ENPP2: variants seen among roughly 807,000 people sequenced by gnomAD.
The protein encoded by ENPP2 is autotaxin.
In ENPP2, 51 loss-of-function variants were observed where a neutral mutation model predicts 120.2. That is an observed-to-expected ratio of 0.42 (90% CI 0.34 to 0.54). ENPP2 has a LOEUF of 0.54. Among genes scored for constraint, ENPP2 ranks in the 20% least tolerant of loss-of-function variants. ENPP2 has a pLI of 0.04. For synonymous variants in ENPP2, 365 were observed against 366.4 expected (o/e 1.00, Z 0.04); for missense variants, 920 against 1,066.5 (o/e 0.86, Z 1.91).
intron 1 of ENPP2, among the ~76,000 whole-genome samples, chr8:119,652,237 C>A (rs1258978513): frequency 2.6e-5 from 4 of 151,982 alleles, no homozygotes; most frequent in Non-Finnish European, 4.4e-5. Flanking sequence ...AGAACATTGA[C>A]CCATTCATGA....
intron 7 of ENPP2, 29 bp from the exon 8 acceptor site, chr8:119,616,413 A>T: frequency 3.3e-6 from 5 of 1,517,066 alleles, no homozygotes; most frequent in Non-Finnish European, 4.5e-6. Flanking sequence ...TTATTGTTAA[A>T]ATAACAATAC....
At position 119,634,926 on chromosome 8, in the gene ENPP2, C is replaced by A. The variant is rs192493669; in HGVS notation, c.136+3499G>T. ...CAAAGAACTGAAAAATCTGTACCCT[C>A]CTTAGCTTCCAGTTCAGATAATTTC... On this transcript the variant is annotated intron_variant, in intron 2 of 24. Transcript: ENST00000075322. Among the ~76,000 whole-genome samples the A allele has an allele frequency of 1.5e-3, 234 of 152,238 alleles. 1 individual carries two copies. The highest frequency in any genetic ancestry group is 5.4e-3 in the African/African-American group (226 of 41,564).
At position 119,564,830 on chromosome 8, in the gene ENPP2, T is replaced by C. The variant is rs1244517953; in HGVS notation, c.2257A>G (p.Ile753Val). Residue 753 changes from isoleucine to valine, a missense_variant, in exon 23 of 25, where the codon ATA becomes GTA. By Grantham distance (29) the Ile-to-Val change is conservative (BLOSUM62 3). Transcript: ENST00000075322. The part of the protein sequence containing the change: ...YDGLHDTEDK[I>V]KQYVEGSSIP... ...TAGAAATGAAACGCTTACTGTTTTA[T>C]TTTGTCTTCTGTGTCATGTAAGCCA... 1.2e-6 allele frequency: 2 copies of C among 1,613,104 alleles called. No homozygotes were observed. Among genetic ancestry groups the C allele is most frequent in the Non-Finnish European group, 1.7e-6 (2 of 1,179,598 alleles).
At chr8:119,623,485 G>A (rs1467740376) in intron 3 of ENPP2, among the ~76,000 whole-genome samples, 2 of 151,972 alleles carry the variant, frequency 1.3e-5, no homozygotes, top group African/African-American at 4.8e-5. Flanking sequence ...AAAAGAGAGA[G>A]AGATATTAGT....
At chr8:119,621,120 A>T (rs1384044554) in intron 4 of ENPP2, among the ~76,000 whole-genome samples, 3 of 152,232 alleles carry the variant, frequency 2.0e-5, no homozygotes, top group African/African-American at 4.8e-5. Flanking sequence ...GCTTCTAGAA[A>T]ACTTGACCTA....
chr8:119,564,706 A>C, intron 23 of ENPP2, 117 bp downstream of exon 23: 1 of 558,018 alleles, frequency 1.8e-6, no homozygotes. Flanking sequence ...ATATATTGAA[A>C]AATTCAAAAA....
chr8:119,602,730 T>C (rs1814404549), intron 9 of ENPP2, among the ~76,000 whole-genome samples: 6 of 152,114 alleles, frequency 3.9e-5, no homozygotes, highest in Admixed American at 1.3e-4. Context: ...GAGCACAAAA[T>C]GCATTTTCAC....
chr8:119,604,414 A>G (rs1814546194), intron 9 of ENPP2, among the ~76,000 whole-genome samples: 1 of 152,222 alleles, frequency 6.6e-6, no homozygotes, highest in Non-Finnish European at 1.5e-5. Context: ...CTCAGAGACC[A>G]AAAGGACATG....
In ENPP2 at chr8:119,619,173, C is replaced by A. The variant is rs1815700326; in HGVS notation, c.479+71G>T. On this transcript the variant is annotated intron_variant, in intron 5 of 24. Transcript: ENST00000075322. ...AGTTCCACATTGTTTCTAAATACTTCTCTTTTCATTTCCTGTGAGAGTTTA... is the reference window on the plus strand; with the variant it reads ...AGTTCCACATTGTTTCTAAATACTTATCTTTTCATTTCCTGTGAGAGTTTA... The A allele has an allele frequency of 8.9e-6, 10 of 1,120,356 alleles. No individual in the cohort carries two copies. The South Asian group carries it at 1.0e-4, about 11-fold the overall frequency. 69.4% of individuals were successfully genotyped at this position (1,120,356 alleles called of 1,614,324 possible). A position where few individuals can be genotyped will look rare whatever the true frequency, so the allele number is the denominator to read the frequency against.
At chr8:119,626,887 G>C (rs1046319572) in intron 2 of ENPP2, among the ~76,000 whole-genome samples, 167 bp from the exon 3 acceptor site, 1 of 152,158 alleles carries the variant, frequency 6.6e-6, no homozygotes, top group African/African-American at 2.4e-5. Flanking sequence ...CAACTTCCTT[G>C]TTCTACGATT....
intron 3 of ENPP2, among the ~76,000 whole-genome samples, chr8:119,626,050 A>T (rs977577655): frequency 3.1e-4 from 47 of 152,114 alleles, no homozygotes; most frequent in Non-Finnish European, 4.7e-4. Flanking sequence ...AAGAAAAAAA[A>T]TTTTTTTAAA....
At chr8:119,564,771 G>C in intron 23 of ENPP2, 52 bp downstream of exon 23, 1 of 1,552,256 alleles carries the variant, frequency 6.4e-7, no homozygotes, top group Non-Finnish European at 8.7e-7. Context: ...AACTTCTTGA[G>C]TGAGATCTTG....
At chr8:119,671,205 G>T (rs1032971830) in intron 1 of ENPP2, among the ~76,000 whole-genome samples, 1 of 152,096 alleles carries the variant, frequency 6.6e-6, no homozygotes, top group Admixed American at 6.5e-5. Flanking sequence ...GGAGGCTGAG[G>T]CAGGAGAATT....
At chr8:119,600,403 C>A (rs1451053035) in intron 11 of ENPP2, among the ~76,000 whole-genome samples, 2 of 152,122 alleles carry the variant, frequency 1.3e-5, no homozygotes, top group Admixed American at 1.3e-4. Context: ...CCAACTGACG[C>A]CCACAAGGCT....
At chr8:119,612,291 A>C (rs1298028780) in intron 8 of ENPP2, among the ~76,000 whole-genome samples, 1 of 152,248 alleles carries the variant, frequency 6.6e-6, no homozygotes, top group Non-Finnish European at 1.5e-5. Context: ...TATATGGAAA[A>C]GAAACAACAG....
At chr8:119,571,879 T>C (rs1325800245) in intron 19 of ENPP2, 2 of 241,282 alleles carry the variant, frequency 8.3e-6, no homozygotes, top group Non-Finnish European at 1.6e-5. Context: ...TGGAGAAAAG[T>C]CTTCGTAGAA....
At chr8:119,654,643 G>GCT (rs1312812107) in intron 1 of ENPP2, among the ~76,000 whole-genome samples, 1 of 151,582 alleles carries the variant, frequency 6.6e-6, no homozygotes, top group Non-Finnish European at 1.5e-5. Context: ...CCATACCCAG[G>GCT]CTCCCATGCA....
intron 1 of ENPP2, among the ~76,000 whole-genome samples, chr8:119,661,103 G>A (rs1817907314): frequency 6.6e-6 from 1 of 152,068 alleles, no homozygotes; most frequent in African/African-American, 2.4e-5. Flanking sequence ...ACTCCTAAAT[G>A]AGGGTTGAAC....
chr8:119,621,988 G>A (rs188632835), intron 3 of ENPP2, among the ~76,000 whole-genome samples: 2 of 152,130 alleles, frequency 1.3e-5, no homozygotes, highest in Admixed American at 6.5e-5. Context: ...GAGTGCTGTG[G>A]CGCAATCTCG....
Sources: gnomAD v4.1 joint callset for allele counts (sites outside exome capture counted in the v4.1 genomes callset) on GRCh38, gnomAD v4.1.1 for gene constraint, MANE v1.5 for transcripts, NCBI Gene and HGNC (gene_info 2026-07-23, HGNC 2026-07-21) for gene names.